Variants in ERBB4 observed in about 807,000 individuals in gnomAD.
ERBB4 encodes the protein erb-b2 receptor tyrosine kinase 4, also known as receptor tyrosine-protein kinase erbB-4.
ERBB4 carries 42 observed loss-of-function variants against 158.0 expected under a neutral mutation model. That is an observed-to-expected ratio of 0.27 (90% CI 0.21 to 0.34). The LOEUF (loss-of-function observed/expected upper bound fraction) is 0.34, where lower values mean the gene tolerates loss of function less well. Ranked by LOEUF, ERBB4 falls within the 10% of genes least tolerant of loss-of-function variation. The pLI, the probability that ERBB4 is intolerant of heterozygous loss-of-function variation, is 1.00. For missense variants in ERBB4, 1,333 were observed against 1,624.1 expected, an observed-to-expected ratio of 0.82 and a Z score of 3.08; for synonymous variants, 583 against 558.7, an observed-to-expected ratio of 1.04 and a Z score of -0.61.
At chr2:211,536,496 A>C (rs1361002324) in intron 20 of ERBB4, among the ~76,000 whole-genome samples, 1 of 152,032 alleles carries the variant, frequency 6.6e-6, no homozygotes, top group Non-Finnish European at 1.5e-5. Flanking sequence ...CACTTGGAAA[A>C]GTCCCACTCT....
intron 4 of ERBB4, among the ~76,000 whole-genome samples, chr2:211,783,867 G>A (rs751596277): frequency 6.6e-6 from 1 of 152,142 alleles, no homozygotes; most frequent in Non-Finnish European, 1.5e-5. Context: ...TTGGTATCAG[G>A]ATGATGCTGG....
At chr2:212,308,054 A>T in intron 1 of ERBB4, among the ~76,000 whole-genome samples, 1 of 151,070 alleles carries the variant, frequency 6.6e-6, no homozygotes, top group East Asian at 2.0e-4. Context: ...CTCCAAAAAA[A>T]ATTCCTCCAC....
At chr2:211,723,824 C>G (rs1259878231) in intron 6 of ERBB4, among the ~76,000 whole-genome samples, 1 of 152,146 alleles carries the variant, frequency 6.6e-6, no homozygotes. Context: ...CGACAGCATA[C>G]AAAACAATGT....
intron 20 of ERBB4, among the ~76,000 whole-genome samples, chr2:211,505,425 A>G (rs961917640): frequency 6.6e-6 from 1 of 152,076 alleles, no homozygotes; most frequent in Non-Finnish European, 1.5e-5. Flanking sequence ...AATTGCTATC[A>G]CTAGACTGGC....
intron 4 of ERBB4, among the ~76,000 whole-genome samples, chr2:211,763,514 T>A (rs1306160704): frequency 6.6e-6 from 1 of 152,126 alleles, no homozygotes; most frequent in Non-Finnish European, 1.5e-5. Flanking sequence ...GAGGCCAGTA[T>A]CTTCACATCA....
At chr2:212,063,285 A>T (rs1027208648) in intron 2 of ERBB4, among the ~76,000 whole-genome samples, 1 of 152,162 alleles carries the variant, frequency 6.6e-6, no homozygotes, top group Non-Finnish European at 1.5e-5. Flanking sequence ...TAAGAAATTT[A>T]TATTAGCATA....
intron 2 of ERBB4, 32 bp from the exon 3 acceptor site, chr2:211,947,648 A>G (rs1264871282): frequency 6.9e-6 from 11 of 1,596,422 alleles, no homozygotes; most frequent in Non-Finnish European, 9.4e-6. Context: ...CCTGTGTTAT[A>G]AAACGAATTT....
chr2:211,957,103 G>A (rs1454273537), intron 2 of ERBB4, among the ~76,000 whole-genome samples: 1 of 152,034 alleles, frequency 6.6e-6, no homozygotes, highest in Non-Finnish European at 1.5e-5. Context: ...GTGCTAGGAT[G>A]ACAGATGTGA....
chr2:211,623,671 G>A (rs1443927530), intron 18 of ERBB4, among the ~76,000 whole-genome samples: 1 of 152,046 alleles, frequency 6.6e-6, no homozygotes, highest in Non-Finnish European at 1.5e-5. Flanking sequence ...GCTCAGAAAG[G>A]TATTAAGAAA....
chr2:211,560,694 T>A (rs2067368028), intron 20 of ERBB4, among the ~76,000 whole-genome samples: 1 of 152,206 alleles, frequency 6.6e-6, no homozygotes, highest in South Asian at 2.1e-4. Context: ...AGTGCTATAT[T>A]TCAAACTTCA....
chr2:211,930,285 G>T (rs1045436126), intron 3 of ERBB4, among the ~76,000 whole-genome samples: 10 of 152,202 alleles, frequency 6.6e-5, no homozygotes, highest in African/African-American at 2.2e-4. Flanking sequence ...CCATGGTCTT[G>T]TATCCAAGCA....
At chr2:212,421,755 T>C (rs573288836) in intron 1 of ERBB4, among the ~76,000 whole-genome samples, 1 of 152,356 alleles carries the variant, frequency 6.6e-6, no homozygotes, top group East Asian at 1.9e-4. Flanking sequence ...TAGGGTTCTC[T>C]GTTTGAAAAC....
chr2:211,773,656 T>TATATATTATATATAC (rs2075796154), intron 4 of ERBB4, among the ~76,000 whole-genome samples: 1 of 119,382 alleles, frequency 8.4e-6, no homozygotes, highest in Non-Finnish European at 1.7e-5. Context: ...ATAATATATA[T>TATATATTATATATAC]ACACACACAC....
chr2:211,528,656 T>A (rs934988267), intron 20 of ERBB4, among the ~76,000 whole-genome samples: 1 of 152,040 alleles, frequency 6.6e-6, no homozygotes, highest in Non-Finnish European at 1.5e-5. Flanking sequence ...ATATCAAGCA[T>A]CTTCTTTGAC....
chr2:211,985,872 C>T (rs2081924452), intron 2 of ERBB4, among the ~76,000 whole-genome samples: 1 of 152,088 alleles, frequency 6.6e-6, no homozygotes, highest in African/African-American at 2.4e-5. Flanking sequence ...TCGAAGGGAT[C>T]TTTGAAATAA....
In ERBB4 at chr2:211,383,304, A is replaced by G. The variant is rs1241028350; in HGVS notation, c.*311T>C. On this transcript the variant is annotated 3_prime_UTR_variant, in exon 28 of 28. Transcript: ENST00000342788. ...AAAGAAAGAAAAAGAAAAAGAAAAA[A>G]AGTGACAGCTAGTTTGATAGTAGGC... The G allele has an allele frequency of 1.3e-5, 4 of 316,734 alleles. No homozygotes were observed. The highest frequency in any genetic ancestry group is 2.3e-5 in the Non-Finnish European group (4 of 170,434). 19.6% of individuals were successfully genotyped at this position (316,734 alleles called of 1,614,324 possible). A position where few individuals can be genotyped will look rare whatever the true frequency, so the allele number is the denominator to read the frequency against.
intron 2 of ERBB4, among the ~76,000 whole-genome samples, chr2:212,112,796 C>T (rs1182495328): frequency 6.6e-6 from 1 of 152,134 alleles, no homozygotes; most frequent in Admixed American, 6.6e-5. Context: ...TTAGTCCATG[C>T]CAACATGAAA....
chr2:211,958,255 T>G (rs1232351558), intron 2 of ERBB4, among the ~76,000 whole-genome samples: 1 of 152,102 alleles, frequency 6.6e-6, no homozygotes, highest in African/African-American at 2.4e-5. Flanking sequence ...CTCTTAATAT[T>G]AAATTCAAAC....
intron 2 of ERBB4, among the ~76,000 whole-genome samples, chr2:212,015,415 G>A (rs2076506864): frequency 6.6e-6 from 1 of 151,850 alleles, no homozygotes; most frequent in Non-Finnish European, 1.5e-5. Context: ...CTATATCAGG[G>A]CTTTCAAGGC....
Sources: gnomAD v4.1 joint callset for allele counts (sites outside exome capture counted in the v4.1 genomes callset) on GRCh38, gnomAD v4.1.1 for gene constraint, MANE v1.5 for transcripts, NCBI Gene and HGNC (gene_info 2026-07-23, HGNC 2026-07-21) for gene names.